EXOC6: variants seen among roughly 807,000 people sequenced by gnomAD.
The protein encoded by EXOC6 is SEC15-like 1.
A neutral mutation model predicts 112.5 loss-of-function variants in EXOC6; 60 were observed. That is an observed-to-expected ratio of 0.53 (90% CI 0.43 to 0.66). The LOEUF (loss-of-function observed/expected upper bound fraction) is 0.66, where lower values mean the gene tolerates loss of function less well. Ranked by LOEUF, EXOC6 falls within the 30% of genes least tolerant of loss-of-function variation. EXOC6 has a pLI of 0.00. For synonymous variants in EXOC6, 295 were observed against 308.0 expected, an observed-to-expected ratio of 0.96 and a Z score of 0.44; for missense variants, 855 against 957.1, an observed-to-expected ratio of 0.89 and a Z score of 1.41.
Position 93,050,720 on chromosome 10 carries a change from A to C in EXOC6, c.2170-6204A>C, listed in dbSNP as rs185713520. ...GGTTGCAGTGAGCCGAGATCACGCC[A>C]CTGCACTCCAACCTGGGCAACAAAG... On this transcript the variant is annotated intron_variant, in intron 20 of 21. Transcript: ENST00000260762. Among the ~76,000 whole-genome samples the C allele has an allele frequency of 1.3e-4, 18 of 139,224 alleles. No individual in the cohort carries two copies. In the Admixed American group the frequency reaches 1.4e-3, roughly 11 times the overall value. 91.3% of individuals were successfully genotyped at this position (139,224 alleles called of 152,430 possible).
intron 20 of EXOC6, among the ~76,000 whole-genome samples, chr10:93,053,418 G>A (rs1368884671): frequency 3.3e-5 from 5 of 152,190 alleles, no homozygotes; most frequent in African/African-American, 1.2e-4. Flanking sequence ...TAATTGTTAT[G>A]CGTGAAGGAG....
chr10:92,996,620 A>T (rs1225809775), intron 18 of EXOC6, among the ~76,000 whole-genome samples: 1 of 151,486 alleles, frequency 6.6e-6, no homozygotes, highest in Non-Finnish European at 1.5e-5. Flanking sequence ...AAAAAAAAAA[A>T]TTAATTTACA....
At chr10:92,839,283 C>T (rs1462615062) in intron 1 of EXOC6, among the ~76,000 whole-genome samples, 6 of 150,900 alleles carry the variant, frequency 4.0e-5, no homozygotes, top group Non-Finnish European at 8.9e-5. Context: ...TGTAGATGTG[C>T]CTGGCTCCTT....
At chr10:92,939,935 T>C (rs1852563476) in intron 12 of EXOC6, among the ~76,000 whole-genome samples, 1 of 152,092 alleles carries the variant, frequency 6.6e-6, no homozygotes, top group African/African-American at 2.4e-5. Context: ...CGTTTGACTT[T>C]GAAGGGAGTG....
At chr10:93,017,617 A>ACTTGG (rs1844592617) in intron 20 of EXOC6, among the ~76,000 whole-genome samples, 1 of 152,078 alleles carries the variant, frequency 6.6e-6, no homozygotes, top group African/African-American at 2.4e-5. Context: ...TATTGGGTAC[A>ACTTGG]ATGTATACTA....
chr10:92,850,969 A>G (rs1258927455), intron 1 of EXOC6, among the ~76,000 whole-genome samples: 1 of 152,246 alleles, frequency 6.6e-6, no homozygotes, highest in Non-Finnish European at 1.5e-5. Flanking sequence ...AAAAACAAAA[A>G]AACAAAAACT....
intron 20 of EXOC6, among the ~76,000 whole-genome samples, chr10:93,030,621 G>A (rs944340425): frequency 2.6e-5 from 4 of 152,170 alleles, no homozygotes; most frequent in African/African-American, 9.7e-5. Flanking sequence ...ATTCCTTAGT[G>A]ACTCATCAAG....
In EXOC6 at chr10:92,908,607, A is replaced by G. The variant is rs555403271; in HGVS notation, c.459-820A>G. 2.0e-5 allele frequency among the ~76,000 whole-genome samples: 3 copies of G among 152,316 alleles called. 1 individual carries two copies. The East Asian group carries it at 5.8e-4, about 29-fold the overall frequency. On this transcript the variant is annotated intron_variant, in intron 5 of 21. Transcript: ENST00000260762. ...GGTCTCAGTCCAGCTACGAATTAAT[A>G]TGGTTTCTTGGCTAAATTATATACT...
intron 17 of EXOC6, among the ~76,000 whole-genome samples, chr10:92,968,555 C>T (rs1460223321): frequency 6.6e-6 from 1 of 152,064 alleles, no homozygotes; most frequent in African/African-American, 2.4e-5. Context: ...AAAATAACTA[C>T]ACTAAGTTAA....
At chr10:92,846,505 G>C (rs1234570979), upstream of EXOC6, among the ~76,000 whole-genome samples, 3 of 152,128 alleles carry the variant, frequency 2.0e-5, no homozygotes, top group African/African-American at 7.2e-5. Flanking sequence ...GTTCTTGAGA[G>C]GGGAAAATAA....
chr10:92,921,189 T>C (rs976991240), intron 8 of EXOC6, among the ~76,000 whole-genome samples: 2 of 152,096 alleles, frequency 1.3e-5, no homozygotes, highest in Admixed American at 6.6e-5. Context: ...ATTAGTACTG[T>C]CTTGTGCATT....
chr10:92,997,873 CATT>C (rs1426067011), intron 19 of EXOC6, among the ~76,000 whole-genome samples: 4 of 152,116 alleles, frequency 2.6e-5, no homozygotes, highest in African/African-American at 9.7e-5. Flanking sequence ...TCATTTTCCC[CATT>C]ATTCCTTGTC....
At position 93,021,221 on chromosome 10, in the gene EXOC6, C is replaced by T. The variant is rs114514672; in HGVS notation, c.2169+6954C>T. Among the ~76,000 whole-genome samples, 931 of 152,160 alleles carry T rather than the reference C, an allele frequency of 6.1e-3. 8 individuals are homozygous for T. The highest frequency in any genetic ancestry group is 0.021 in the African/African-American group (879 of 41,536). Reference sequence around the variant, plus strand: ...ACAGGGTCAGGCATGGTGGCTCACACCTGTAATCCCAGCACTTGGGAGGCT... The same window carrying T: ...ACAGGGTCAGGCATGGTGGCTCACATCTGTAATCCCAGCACTTGGGAGGCT... On this transcript the variant is annotated intron_variant, in intron 20 of 21. Transcript: ENST00000260762.
At chr10:92,837,843 G>A (rs1846711399) in intron 1 of EXOC6, among the ~76,000 whole-genome samples, 1 of 152,192 alleles carries the variant, frequency 6.6e-6, no homozygotes, top group African/African-American at 2.4e-5. Context: ...CCAGGGAAAA[G>A]CTTACACCTG....
intron 17 of EXOC6, among the ~76,000 whole-genome samples, 164 bp from the exon 18 acceptor site, chr10:92,973,889 T>G (rs1376465375): frequency 6.6e-6 from 1 of 152,100 alleles, no homozygotes; most frequent in Non-Finnish European, 1.5e-5. Flanking sequence ...TCCAGTCAAA[T>G]AAATAGAGTA....
chr10:92,875,224 A>G (rs900204473), intron 1 of EXOC6, among the ~76,000 whole-genome samples: 1 of 152,140 alleles, frequency 6.6e-6, no homozygotes, highest in African/African-American at 2.4e-5. Flanking sequence ...GCACAATGCC[A>G]TGTTCTTTCC....
In EXOC6 at chr10:93,016,406, G is replaced by A. The variant is rs539312142; in HGVS notation, c.2169+2139G>A. Among the ~76,000 whole-genome samples the A allele has an allele frequency of 5.1e-4, 78 of 152,130 alleles. 1 individual carries two copies. Among genetic ancestry groups the A allele is most frequent in the Middle Eastern group, 6.8e-3 (2 of 294 alleles). ...TCCGCCTGCCTTGGCCTCCCAGAGT[G>A]CTGGGATTACAGGTATAAGCCACAG... On this transcript the variant is annotated intron_variant, in intron 20 of 21. Transcript: ENST00000260762.
At chr10:93,005,046 GGT>G (rs1308156937) in intron 19 of EXOC6, among the ~76,000 whole-genome samples, 12 of 152,256 alleles carry the variant, frequency 7.9e-5, no homozygotes, top group African/African-American at 2.9e-4. Flanking sequence ...GGAATACAGT[GGT>G]AAGCAAAACA....
intron 1 of EXOC6, among the ~76,000 whole-genome samples, chr10:92,867,049 G>T (rs1007382292): frequency 6.6e-6 from 1 of 152,072 alleles, no homozygotes; most frequent in Non-Finnish European, 1.5e-5. Context: ...AAGTCTTTCT[G>T]AATTACAGAT....
Sources: gnomAD v4.1 joint callset for allele counts (sites outside exome capture counted in the v4.1 genomes callset) on GRCh38, gnomAD v4.1.1 for gene constraint, MANE v1.5 for transcripts, NCBI Gene and HGNC (gene_info 2026-07-23, HGNC 2026-07-21) for gene names.